EZH1: variants seen among roughly 807,000 people sequenced by gnomAD.
EZH1 encodes histone-lysine N-methyltransferase EZH1.
EZH1 carries 33 observed loss-of-function variants against 100.5 expected under a neutral mutation model. The ratio of observed to expected loss-of-function variants is 0.33; its 90% CI spans 0.25 to 0.44. EZH1 has a LOEUF of 0.44. EZH1 is among the 20% of genes least tolerant of loss of function. EZH1 has a pLI of 1.00. For synonymous variants in EZH1, 272 were observed against 313.8 expected (o/e 0.87, Z 1.41); for missense variants, 475 against 928.4 (o/e 0.51, Z 6.35).
intron 7 of EZH1, 81 bp downstream of exon 7, chr17:42,720,192 A>G: frequency 6.8e-7 from 1 of 1,463,596 alleles, no homozygotes; most frequent in East Asian, 2.3e-5. Flanking sequence ...AGCCTTTAAT[A>G]GGCAACAAAT....
intron 15 of EZH1, 108 bp downstream of exon 15, chr17:42,707,850 G>T: frequency 1.5e-6 from 2 of 1,336,222 alleles, no homozygotes; most frequent in South Asian, 1.2e-5. Context: ...CACAGCAAAG[G>T]GGATATCAGA....
Position 42,700,937 on chromosome 17 carries a change from A to G in EZH1, c.*1595T>C, listed in dbSNP as rs1391232192. ...ACCCCACTTCTTCCTTCATGGGACAACAAGTGGAGTGGGAAGAAGCGGGGC... is the reference window on the plus strand; with the variant it reads ...ACCCCACTTCTTCCTTCATGGGACAGCAAGTGGAGTGGGAAGAAGCGGGGC... On this transcript the variant is annotated 3_prime_UTR_variant, in exon 21 of 21. Transcript: ENST00000428826. 1.3e-5 allele frequency: 2 copies of G among 152,412 alleles called. No individual in the cohort carries two copies. Among genetic ancestry groups the G allele is most frequent in the Non-Finnish European group, 2.9e-5 (2 of 68,090 alleles). The allele number at this position is 152,412 out of a possible 1,614,324, so 9.4% of individuals were successfully genotyped here. A position where few individuals can be genotyped will look rare whatever the true frequency, so the allele number is the denominator to read the frequency against.
chr17:42,714,622 C>A, intron 10 of EZH1: 4 of 308,958 alleles, frequency 1.3e-5, no homozygotes, highest in Admixed American at 3.3e-5. Context: ...GTTGAAGGCA[C>A]AAGCAGAGTC....
intron 13 of EZH1, 46 bp downstream of exon 13, chr17:42,709,800 G>T: frequency 6.3e-7 from 1 of 1,580,082 alleles, no homozygotes; most frequent in South Asian, 1.1e-5. Flanking sequence ...AGAGCACAGG[G>T]AACAGCCTGG....
At chr17:42,739,584 G>A (rs747030873) in intron 1 of EZH1, among the ~76,000 whole-genome samples, 4 of 151,792 alleles carry the variant, frequency 2.6e-5, no homozygotes, top group East Asian at 2.0e-4. Context: ...AAAATTAGCC[G>A]GGCATGGTGG....
intron 16 of EZH1, 144 bp from the exon 17 acceptor site, chr17:42,705,327 A>ATTCT: frequency 1.8e-6 from 1 of 543,432 alleles, no homozygotes; most frequent in Non-Finnish European, 3.3e-6. Flanking sequence ...GGTCTAACCC[A>ATTCT]TTCTTTTCTG....
intron 1 of EZH1, among the ~76,000 whole-genome samples, chr17:42,737,876 A>G (rs1326785839): frequency 6.6e-6 from 1 of 152,084 alleles, no homozygotes; most frequent in African/African-American, 2.4e-5. Flanking sequence ...ATTGTATGGC[A>G]ATAAAAAATT....
At position 42,727,774 on chromosome 17, in the gene EZH1, C is replaced by T. The variant is rs1451279211; in HGVS notation, c.118-11G>A. On this transcript the variant is annotated splice_polypyrimidine_tract_variant and intron_variant, in intron 3 of 20. Coordinates refer to ENST00000428826, the MANE Select transcript of EZH1 (RefSeq NM_001991.5). ...TGCCACATACAAAGCCTAGCAAAGC[C>T]ATGGAAAAGATTAAGATATATTGTT... 1.3e-6 allele frequency: 2 copies of T among 1,580,728 alleles called. No individual in the cohort carries two copies. The highest frequency in any genetic ancestry group is 1.2e-5 in the South Asian group (1 of 84,828).
intron 3 of EZH1, 108 bp from the exon 4 acceptor site, chr17:42,727,871 T>A (rs570226289): frequency 1.2e-6 from 1 of 807,240 alleles, no homozygotes; most frequent in Admixed American, 4.6e-5. Flanking sequence ...GGCTGGAGTG[T>A]AGTAGCGCGA....
intron 10 of EZH1, among the ~76,000 whole-genome samples, 167 bp from the exon 11 acceptor site, chr17:42,713,556 C>T (rs2053531982): frequency 1.3e-5 from 2 of 152,190 alleles, no homozygotes; most frequent in Admixed American, 6.5e-5. Flanking sequence ...AGCTGCTTAA[C>T]AAAACTTACG....
At chr17:42,725,203 A>G (rs946212272) in intron 4 of EZH1, among the ~76,000 whole-genome samples, 3 of 152,140 alleles carry the variant, frequency 2.0e-5, no homozygotes, top group Non-Finnish European at 2.9e-5. Context: ...ACAACTTAAT[A>G]AATTCAGAGT....
rs758604809 is a variant in EZH1 at position 42,720,268 on chromosome 17, C to T, written c.664+5G>A. The T allele has an allele frequency of 1.2e-5, 19 of 1,611,334 alleles. No homozygotes were observed. Among genetic ancestry groups the T allele is most frequent in the African/African-American group, 2.7e-5 (2 of 74,826 alleles). ...AAAAGGAATAAGGGAGCCAGTGCTA[C>T]GTACCTTCAATAGCATGTCGCTTTC... On this transcript the variant is annotated splice_donor_5th_base_variant and intron_variant, in intron 7 of 20. Transcript: ENST00000428826.
intron 2 of EZH1, chr17:42,729,189 T>G: frequency 2.9e-6 from 1 of 339,158 alleles, no homozygotes; most frequent in Non-Finnish European, 5.4e-6. Context: ...AGAGCACTAC[T>G]TGAGCCCAGT....
chr17:42,729,744 A>AG lies in EZH1; in HGVS notation c.-11-793dup, dbSNP rs1412780204. On this transcript the variant is annotated intron_variant, in intron 2 of 20. Transcript: ENST00000428826. ...ACACAGTGAGACTCCATCTCAAAAA[A>AG]GAAAAAAAAAAAAGTCCGGGCATGG... Among the ~76,000 whole-genome samples, 280 of 84,308 alleles carry AG rather than the reference A, an allele frequency of 3.3e-3. 3 individuals carry two copies. Among genetic ancestry groups the AG allele is most frequent in the African/African-American group, 0.023 (271 of 11,800 alleles). The allele number at this position is 84,308 out of a possible 152,430, so 55.3% of individuals were successfully genotyped here. A position where few individuals can be genotyped will look rare whatever the true frequency, so the allele number is the denominator to read the frequency against.
chr17:42,735,033 G>A (rs1394081977), intron 1 of EZH1, among the ~76,000 whole-genome samples: 3 of 131,494 alleles, frequency 2.3e-5, no homozygotes, highest in Non-Finnish European at 4.9e-5. Context: ...AGGAAGAAAG[G>A]AAGGAGGGCG....
At chr17:42,707,857 C>G in intron 15 of EZH1, 101 bp downstream of exon 15, 1 of 1,415,304 alleles carries the variant, frequency 7.1e-7, no homozygotes, top group African/African-American at 1.4e-5. Flanking sequence ...AAGGGGATAT[C>G]AGAAGGCCAT....
Position 42,701,688 on chromosome 17 carries a change from T to C in EZH1, c.*844A>G, listed in dbSNP as rs759607374. 2.6e-5 allele frequency: 4 copies of C among 152,690 alleles called. No homozygotes were observed. Among genetic ancestry groups the C allele is most frequent in the Non-Finnish European group, 5.9e-5 (4 of 68,038 alleles). 9.5% of individuals were successfully genotyped at this position (152,690 alleles called of 1,614,324 possible). ...CTGCCAGGCATACCCCTAATGCTTC[T>C]TCAATAGCAGCATAATGCTTGCCTG... On this transcript the variant is annotated 3_prime_UTR_variant, in exon 21 of 21. Coordinates refer to ENST00000428826, the MANE Select transcript of EZH1 (RefSeq NM_001991.5).
chr17:42,712,587 G>T (rs186763664), intron 11 of EZH1, 102 bp from the exon 12 acceptor site: 3 of 1,130,706 alleles, frequency 2.7e-6, no homozygotes, highest in African/African-American at 1.6e-5. Flanking sequence ...TTAAAAGGTA[G>T]AACAGTTAGG....
chr17:42,725,672 G>C (rs2143819693), intron 4 of EZH1, among the ~76,000 whole-genome samples: 1 of 152,222 alleles, frequency 6.6e-6, no homozygotes, highest in South Asian at 2.1e-4. Flanking sequence ...AGCTCAAACT[G>C]TTGGTCTACC....
Sources: allele counts gnomAD v4.1 joint callset (sites outside exome capture counted in the v4.1 genomes callset), GRCh38; gene constraint gnomAD v4.1.1; transcripts MANE v1.5; gene names NCBI Gene and HGNC (gene_info 2026-07-23, HGNC 2026-07-21).